The following DSCAM variants were observed in gnomAD, a reference collection of about 807,000 sequenced individuals.
The protein encoded by DSCAM is cell adhesion molecule DSCAM.
DSCAM carries 47 observed loss-of-function variants against 217.7 expected under a neutral mutation model. That is an observed-to-expected ratio of 0.22 (90% CI 0.17 to 0.28). The LOEUF is 0.28. Among genes scored for constraint, DSCAM ranks in the 10% least tolerant of loss-of-function variants. The pLI is 1.00. For synonymous variants in DSCAM, 1,056 were observed against 1,015.3 expected (o/e 1.04, Z -0.76); for missense variants, 2,080 against 2,618.3 (o/e 0.79, Z 4.49).
At chr21:40,189,860 C>T (rs1206852564) in intron 11 of DSCAM, among the ~76,000 whole-genome samples, 1 of 152,174 alleles carries the variant, frequency 6.6e-6, no homozygotes, top group East Asian at 1.9e-4. Flanking sequence ...ACAGCCCAGT[C>T]TCAGGCATGT....
rs749509518 is a variant in DSCAM at position 40,133,933 on chromosome 21, G to A, written c.3483C>T (p.Tyr1161=). The A allele has an allele frequency of 3.1e-6, 5 of 1,613,418 alleles. No individual in the cohort carries two copies. In the African/African-American group the frequency reaches 6.7e-5, roughly 22 times the overall value. The change falls in exon 19 of 33, where the codon TAC becomes TAT. Residue 1161 remains tyrosine, a synonymous_variant. Coordinates refer to ENST00000400454, the MANE Select transcript of DSCAM (RefSeq NM_001389.5). The part of the protein sequence containing the change: ...ELDGLEKYTN[Y]SIQVLAFTRA... ...GGGTGAAGGCCAGCACCTGGATGCT[G>A]TAGTTGGTGTACTTTTCCAGCCCGT...
intron 11 of DSCAM, among the ~76,000 whole-genome samples, chr21:40,227,538 A>C (rs534344153): frequency 6.6e-6 from 1 of 152,196 alleles, no homozygotes; most frequent in Non-Finnish European, 1.5e-5. Context: ...GATATTTCTC[A>C]GAATTTGAAA....
chr21:40,307,152 C>T (rs1000008489), intron 9 of DSCAM, among the ~76,000 whole-genome samples: 1 of 150,792 alleles, frequency 6.6e-6, no homozygotes, highest in Admixed American at 6.6e-5. Context: ...AGGCAACCTA[C>T]AAAATGGGAG....
intron 3 of DSCAM, among the ~76,000 whole-genome samples, chr21:40,594,216 T>C (rs887009685): frequency 1.1e-4 from 16 of 152,178 alleles, no homozygotes; most frequent in Admixed American, 4.6e-4. Context: ...CAGGAAAATA[T>C]TAATCAATCC....
At chr21:40,796,453 G>C (rs1211037480) in intron 1 of DSCAM, among the ~76,000 whole-genome samples, 1 of 152,160 alleles carries the variant, frequency 6.6e-6, no homozygotes, top group Non-Finnish European at 1.5e-5. Context: ...GACTATAGGG[G>C]TGACTGGCAC....
At chr21:40,196,113 C>T (rs1287198469) in intron 11 of DSCAM, among the ~76,000 whole-genome samples, 1 of 152,234 alleles carries the variant, frequency 6.6e-6, no homozygotes, top group African/African-American at 2.4e-5. Flanking sequence ...ACCCACTGGC[C>T]TCCTGGTGTC....
intron 12 of DSCAM, among the ~76,000 whole-genome samples, chr21:40,188,364 G>GTCTCTTAA (rs2090918613): frequency 6.6e-6 from 1 of 152,036 alleles, no homozygotes; most frequent in Non-Finnish European, 1.5e-5. Flanking sequence ...AAGCAACCAT[G>GTCTCTTAA]CCTAAAGAGA....
At chr21:40,595,964 T>C (rs139483974) in intron 3 of DSCAM, among the ~76,000 whole-genome samples, 1 of 152,320 alleles carries the variant, frequency 6.6e-6, no homozygotes, top group Non-Finnish European at 1.5e-5. Context: ...GTGCTCTGTG[T>C]GAGTGCATGT....
chr21:40,449,449 C>G (rs1427918343), intron 3 of DSCAM, among the ~76,000 whole-genome samples: 1 of 152,130 alleles, frequency 6.6e-6, no homozygotes, highest in African/African-American at 2.4e-5. Context: ...TCCTTGTATT[C>G]TCAGAAATGA....
At chr21:40,225,757 C>T (rs566128089) in intron 11 of DSCAM, among the ~76,000 whole-genome samples, 55 of 152,258 alleles carry the variant, frequency 3.6e-4, no homozygotes, top group African/African-American at 1.3e-3. Flanking sequence ...ACAAAGGTAA[C>T]AATACTTTTC....
intron 3 of DSCAM, among the ~76,000 whole-genome samples, chr21:40,524,889 A>C (rs1428147041): frequency 1.3e-5 from 2 of 151,922 alleles, no homozygotes; most frequent in East Asian, 3.9e-4. Flanking sequence ...ATGCACCTAT[A>C]ATCCCAGCTA....
intron 9 of DSCAM, among the ~76,000 whole-genome samples, chr21:40,304,150 T>C (rs1222809664): frequency 1.3e-5 from 2 of 152,216 alleles, no homozygotes; most frequent in Admixed American, 1.3e-4. Flanking sequence ...ATTTTTGCTT[T>C]TGGGGTGTTG....
intron 32 of DSCAM, among the ~76,000 whole-genome samples, chr21:40,029,030 TGTCTTCTTCCATAA>T (rs1013610269): frequency 3.9e-4 from 59 of 152,294 alleles, no homozygotes; most frequent in African/African-American, 1.4e-3. Flanking sequence ...AGCAAATTAT[TGTCTTCTTCCATAA>T]GGGATGACTA....
rs141578313 is a variant in DSCAM at position 40,546,623 on chromosome 21, A to C, written c.508+146187T>G. ...GTTTTCCTCCCTAGTCCATGCATGG[A>C]CCTCAGTGGCCTTTGGTTTGTCAGT... On this transcript the variant is annotated intron_variant, in intron 3 of 32. Coordinates refer to ENST00000400454, the MANE Select transcript of DSCAM (RefSeq NM_001389.5). Among the ~76,000 whole-genome samples the C allele has an allele frequency of 7.9e-5, 12 of 152,178 alleles. No individual in the cohort carries two copies. The East Asian group carries it at 2.3e-3, about 29-fold the overall frequency.
intron 3 of DSCAM, among the ~76,000 whole-genome samples, chr21:40,476,574 A>C (rs2075938042): frequency 6.6e-6 from 1 of 152,216 alleles, no homozygotes; most frequent in African/African-American, 2.4e-5. Flanking sequence ...TGTGGTCTTA[A>C]CTAAACAATG....
chr21:40,138,676 G>A (rs1276211928), intron 18 of DSCAM, among the ~76,000 whole-genome samples: 1 of 147,068 alleles, frequency 6.8e-6, no homozygotes, highest in African/African-American at 2.5e-5. Context: ...GATATGTGGT[G>A]TATGTGTGGT....
rs572399550 is a variant in DSCAM at position 40,357,950 on chromosome 21, T to C, written c.656-4207A>G. Among the ~76,000 whole-genome samples, 5 of 152,312 alleles carry C rather than the reference T, an allele frequency of 3.3e-5. No homozygotes were observed. In the South Asian group the frequency reaches 1.0e-3, roughly 32 times the overall value. ...ATTTTAGTTACACTAGAGTGGAATATTGAAGATATTAGAAAGTACTATGAA... is the reference window on the plus strand; with the variant it reads ...ATTTTAGTTACACTAGAGTGGAATACTGAAGATATTAGAAAGTACTATGAA... On this transcript the variant is annotated intron_variant, in intron 4 of 32. Transcript: ENST00000400454.
chr21:40,187,187 C>A lies in DSCAM; in HGVS notation c.2723G>T (p.Gly908Val). 1 of 1,614,120 alleles carries A rather than the reference C, an allele frequency of 6.2e-7. No homozygotes were observed. The highest frequency in any genetic ancestry group is 1.1e-5 in the South Asian group (1 of 91,080). The change falls in exon 14 of 33, where the codon GGG becomes GTG. Residue 908 changes from glycine to valine, a missense_variant. Around this residue, in one of 5 missense-constraint regions of DSCAM, gnomAD observed 1,144 missense variants for 1,421.1 expected, o/e 0.81. Transcript: ENST00000400454. ...TGTGATGGGACTGTTTCCATCAAAC[C>A]CCATGGTCCACCTGAGCGTAATTGT... ...ARTITLRWTM[G>V]FDGNSPITGY...
At chr21:40,141,947 C>A (rs1489927590) in intron 18 of DSCAM, among the ~76,000 whole-genome samples, 1 of 145,506 alleles carries the variant, frequency 6.9e-6, no homozygotes, top group Non-Finnish European at 1.5e-5. Flanking sequence ...CCTAAACAAA[C>A]AGGAACATTT....
Sources: allele counts gnomAD v4.1 joint callset (sites outside exome capture counted in the v4.1 genomes callset), GRCh38; gene constraint gnomAD v4.1.1; regional missense constraint gnomAD v4.1.1; transcripts MANE v1.5; gene names NCBI Gene and HGNC (gene_info 2026-07-23, HGNC 2026-07-21).